The following TVP23C variants were observed in gnomAD, a reference collection of about 807,000 sequenced individuals.
TVP23C encodes Golgi apparatus membrane protein TVP23 homolog C.
A neutral mutation model predicts 28.7 loss-of-function variants in TVP23C; 19 were observed. The ratio of observed to expected loss-of-function variants is 0.66; its 90% CI spans 0.46 to 0.97. The LOEUF (loss-of-function observed/expected upper bound fraction) is 0.97. Ranked by LOEUF, TVP23C falls within the 50% of genes least tolerant of loss-of-function variation. The pLI, the probability that TVP23C is intolerant of heterozygous loss-of-function variation, is 0.00. For missense variants in TVP23C, 186 were observed against 241.3 expected (o/e 0.77, Z 1.52); for synonymous variants, 68 against 81.7 (o/e 0.83, Z 0.90).
At chr17:15,517,531 C>G (rs1460403739) in intron 5 of TVP23C, among the ~76,000 whole-genome samples, 1 of 152,220 alleles carries the variant, frequency 6.6e-6, no homozygotes, top group Non-Finnish European at 1.5e-5. Context: ...CTTTTATCAT[C>G]CACCTCATCA....
rs1222296704 is a variant in TVP23C at position 15,542,845 on chromosome 17, A to ACC, written c.463-2285_463-2284insGG. Among the ~76,000 whole-genome samples, 4 of 152,340 alleles carry ACC rather than the reference A, an allele frequency of 2.6e-5. No homozygotes were observed. The East Asian group carries it at 7.7e-4, about 29-fold the overall frequency. ...ATGAGTGAAAAATCAGACCTTGGTG[A>ACC]TTACCTTGAGCAGTAGGATATAAAT... is the stretch of plus-strand genomic sequence containing the variant. On this transcript the variant is annotated intron_variant, in intron 5 of 5. Transcript: ENST00000518321.
In TVP23C at chr17:15,554,431, G is replaced by A. The variant is rs532684687; in HGVS notation, c.96-602C>T. Among the ~76,000 whole-genome samples the A allele has an allele frequency of 3.7e-3, 560 of 151,982 alleles. 3 individuals carry two copies. Among genetic ancestry groups the A allele is most frequent in the African/African-American group, 0.013 (530 of 41,454 alleles). On this transcript the variant is annotated intron_variant, in intron 2 of 5. Transcript: ENST00000518321. The stretch of plus-strand genomic sequence containing the variant: ...TTTTTGTATTTTTAGTAGAGATGGG[G>A]TTTCACCATGTTAGCCAGGATGATC...
chr17:15,506,645 T>A (rs756408182), intron 5 of TVP23C, among the ~76,000 whole-genome samples: 2 of 152,204 alleles, frequency 1.3e-5, no homozygotes, highest in Admixed American at 6.5e-5. Flanking sequence ...TCCACGCTGC[T>A]TTTATGAGCT....
In TVP23C at chr17:15,553,703, A is replaced by C. The variant is rs1983997412; in HGVS notation, c.222T>G (p.Cys74Trp). 3 of 1,609,264 alleles carry C rather than the reference A, an allele frequency of 1.9e-6. No homozygotes were observed. Among genetic ancestry groups the C allele is most frequent in the Non-Finnish European group, 2.5e-6 (3 of 1,178,832 alleles). ...CMVTIILLLSCDFWAVKNVTG... is the reference protein window; with the variant it reads ...CMVTIILLLSWDFWAVKNVTG... ...AAATTACCTTCACTGCCCAAAAGTC[A>C]CACGACAACAACAAGATAATTGTAA... The change falls in exon 3 of 6, where the codon TGT becomes TGG. Residue 74 changes from cysteine to tryptophan, a missense_variant. By Grantham distance (215) the Cys-to-Trp change is radical (BLOSUM62 -2). Coordinates refer to ENST00000518321, the MANE Select transcript of TVP23C (RefSeq NM_001135036.2).
intron 5 of TVP23C, among the ~76,000 whole-genome samples, chr17:15,542,776 C>T (rs1326855117): frequency 2.6e-5 from 4 of 152,098 alleles, no homozygotes; most frequent in Admixed American, 2.6e-4. Context: ...ATGCCAAGGT[C>T]TTAACCCATT....
At position 15,554,545 on chromosome 17, in the gene TVP23C, G is replaced by GA. The variant is rs1303070452; in HGVS notation, c.96-717_96-716insT. Among the ~76,000 whole-genome samples the GA allele has an allele frequency of 2.0e-5, 3 of 152,178 alleles. No homozygotes were observed. In the East Asian group the frequency reaches 5.8e-4, roughly 29 times the overall value. ...AGCCATCGCGCCCAGCCTGTTTCTT[G>GA]TTTTTTAATAGCTTTTTTGAGATAT... On this transcript the variant is annotated intron_variant, in intron 2 of 5. Transcript: ENST00000518321.
intron 1 of TVP23C, among the ~76,000 whole-genome samples, chr17:15,559,528 T>A (rs1984286164): frequency 6.7e-6 from 1 of 148,414 alleles, no homozygotes; most frequent in Non-Finnish European, 1.5e-5. Flanking sequence ...AGACTGCATG[T>A]TCTGACTCAC....
chr17:15,546,978 A>G (rs1983672447), intron 4 of TVP23C, 81 bp downstream of exon 4: 1 of 1,224,752 alleles, frequency 8.2e-7, no homozygotes, highest in Non-Finnish European at 1.1e-6. Context: ...TTAATTCTGA[A>G]TACTTCATCT....
At chr17:15,505,291 A>C (rs543509701) in intron 5 of TVP23C, among the ~76,000 whole-genome samples, 2 of 152,276 alleles carry the variant, frequency 1.3e-5, no homozygotes, top group African/African-American at 4.8e-5. Context: ...GGTGATGTTG[A>C]TGAGCCTGTG....
At chr17:15,509,536 A>G (rs188047003) in intron 5 of TVP23C, among the ~76,000 whole-genome samples, 3 of 152,296 alleles carry the variant, frequency 2.0e-5, no homozygotes, top group Non-Finnish European at 2.9e-5. Flanking sequence ...TGACAGTAAA[A>G]TGCCCTTCCA....
chr17:15,561,767 A>G (rs1380624576), intron 1 of TVP23C, among the ~76,000 whole-genome samples: 1 of 152,260 alleles, frequency 6.6e-6, no homozygotes. Flanking sequence ...CATCTTCAAT[A>G]GGAGCTGGGT....
At chr17:15,506,520 A>C (rs1981752833) in intron 5 of TVP23C, among the ~76,000 whole-genome samples, 1 of 152,220 alleles carries the variant, frequency 6.6e-6, no homozygotes, top group Non-Finnish European at 1.5e-5. Flanking sequence ...AAATAAGAGA[A>C]TAAAAGCAGG....
chr17:15,559,378 G>A lies in TVP23C; in HGVS notation c.13-4014C>T, dbSNP rs1597551461. On this transcript the variant is annotated intron_variant, in intron 1 of 5. Coordinates refer to ENST00000518321, the MANE Select transcript of TVP23C (RefSeq NM_001135036.2). ...CTCCTGGAGTTACATTTACTAAGAT[G>A]GGGAAGACCATGGACACAAAAGATT... 2.0e-5 allele frequency among the ~76,000 whole-genome samples: 3 copies of A among 146,804 alleles called. No individual in the cohort carries two copies. In the East Asian group the frequency reaches 5.9e-4, roughly 29 times the overall value.
chr17:15,532,212 C>T (rs1004270383), downstream of TVP23C, among the ~76,000 whole-genome samples: 5 of 152,168 alleles, frequency 3.3e-5, no homozygotes, highest in African/African-American at 4.8e-5. Context: ...ACTAGTATAG[C>T]CATGTCAGGC....
intron 5 of TVP23C, among the ~76,000 whole-genome samples, chr17:15,510,115 G>A (rs1035444866): frequency 1.3e-5 from 2 of 152,136 alleles, no homozygotes; most frequent in South Asian, 2.1e-4. Context: ...TCTCTGCATC[G>A]CCCATGTCTA....
chr17:15,507,445 C>A, intron 5 of TVP23C: 1 of 488,946 alleles, frequency 2.0e-6, no homozygotes, highest in East Asian at 3.8e-5. Context: ...ACTATCCTGT[C>A]ATCTTTGTGT....
At chr17:15,563,255 C>G in intron 1 of TVP23C, 182 bp downstream of exon 1, 5 of 1,185,918 alleles carry the variant, frequency 4.2e-6, no homozygotes, top group Non-Finnish European at 5.8e-6. Context: ...ACGCCTCCCC[C>G]AGCGGCCTCA....
chr17:15,539,220 T>A lies in TVP23C; in HGVS notation c.*1192A>T, dbSNP rs1983295272. 1 of 980,852 alleles carries A rather than the reference T, an allele frequency of 1.0e-6. No individual in the cohort carries two copies. Among genetic ancestry groups the A allele is most frequent in the Non-Finnish European group, 1.2e-6 (1 of 825,808 alleles). The allele number at this position is 980,852 out of a possible 1,614,324, so 60.8% of individuals were successfully genotyped here. On this transcript the variant is annotated 3_prime_UTR_variant, in exon 6 of 6. Transcript: ENST00000518321. Reference sequence around the variant, plus strand: ...AGCAATCTTGTGCCCTCTAGGTGATTCTCATGTATGTTCGAGTTTAAGAAT... The same window carrying A: ...AGCAATCTTGTGCCCTCTAGGTGATACTCATGTATGTTCGAGTTTAAGAAT...
intron 5 of TVP23C, among the ~76,000 whole-genome samples, chr17:15,512,433 A>G (rs1205247851): frequency 6.6e-6 from 1 of 152,184 alleles, no homozygotes; most frequent in Non-Finnish European, 1.5e-5. Context: ...TTCCATAAGA[A>G]GACACAAAGG....
Sources: allele counts gnomAD v4.1 joint callset (sites outside exome capture counted in the v4.1 genomes callset), GRCh38; gene constraint gnomAD v4.1.1; transcripts MANE v1.5; gene names NCBI Gene and HGNC (gene_info 2026-07-23, HGNC 2026-07-21).